CHCHD3: variants seen among roughly 807,000 people sequenced by gnomAD.
CHCHD3 encodes the protein MICOS complex subunit MIC19.
CHCHD3 carries 20 observed loss-of-function variants against 38.2 expected under a neutral mutation model. The ratio of observed to expected loss-of-function variants is 0.52; its 90% confidence interval spans 0.37 to 0.76. The LOEUF is 0.76. CHCHD3 is among the 30% of genes least tolerant of loss of function. The pLI is 0.00. For synonymous variants in CHCHD3, 82 were observed against 100.0 expected (o/e 0.82, Z 1.07); for missense variants, 245 against 279.2 (o/e 0.88, Z 0.87).
chr7:132,938,129 T>G (rs1287349693), intron 4 of CHCHD3, among the ~76,000 whole-genome samples: 1 of 152,214 alleles, frequency 6.6e-6, no homozygotes, highest in Non-Finnish European at 1.5e-5. Flanking sequence ...ATTGTTCTAA[T>G]TATTAAATAT....
chr7:132,978,937 A>C (rs564663962), intron 3 of CHCHD3, among the ~76,000 whole-genome samples: 1 of 146,772 alleles, frequency 6.8e-6, no homozygotes, highest in Non-Finnish European at 1.5e-5. Flanking sequence ...TATAAATTTT[A>C]AAAAAACTTT....
intron 4 of CHCHD3, chr7:132,972,944 A>G: frequency 5.1e-6 from 5 of 985,486 alleles, no homozygotes; most frequent in Non-Finnish European, 6.0e-6. Flanking sequence ...TTATTAGGTA[A>G]AACAGAACAG....
intron 4 of CHCHD3, among the ~76,000 whole-genome samples, chr7:132,926,934 G>T (rs137882860): frequency 1.3e-5 from 2 of 151,948 alleles, no homozygotes; most frequent in Non-Finnish European, 2.9e-5. Context: ...AGGTATTTTC[G>T]TTTTAACAAA....
At chr7:132,966,768 T>C (rs1410829992) in intron 4 of CHCHD3, among the ~76,000 whole-genome samples, 1 of 152,186 alleles carries the variant, frequency 6.6e-6, no homozygotes, top group Non-Finnish European at 1.5e-5. Flanking sequence ...CAAAACATAA[T>C]GTGCAAAACA....
intron 5 of CHCHD3, among the ~76,000 whole-genome samples, chr7:132,880,880 C>T (rs957840807): frequency 2.2e-4 from 34 of 152,134 alleles, no homozygotes; most frequent in African/African-American, 7.7e-4. Context: ...ACTTAAGAAC[C>T]TTCTCTTTGA....
At chr7:132,953,114 T>C (rs909508750) in intron 4 of CHCHD3, among the ~76,000 whole-genome samples, 9 of 151,906 alleles carry the variant, frequency 5.9e-5, no homozygotes, top group African/African-American at 2.2e-4. Flanking sequence ...CAAGGAAAAT[T>C]CCTCAGTGAT....
chr7:132,815,551 TCTC>T (rs1401832189), intron 6 of CHCHD3: 1 of 456,142 alleles, frequency 2.2e-6, no homozygotes, highest in Non-Finnish European at 4.4e-6. Context: ...AGTAACGAGT[TCTC>T]CTACTAGGAG....
chr7:133,068,795 G>A (rs573213121), intron 2 of CHCHD3, among the ~76,000 whole-genome samples: 16 of 152,288 alleles, frequency 1.1e-4, no homozygotes, highest in African/African-American at 3.9e-4. Context: ...ATCCCCAATT[G>A]GGGACCTGAC....
At position 132,950,002 on chromosome 7, in the gene CHCHD3, T is replaced by C. The variant is rs868295168; in HGVS notation, c.369+25167A>G. 4.6e-5 allele frequency among the ~76,000 whole-genome samples: 7 copies of C among 152,216 alleles called. No individual in the cohort carries two copies. The Middle Eastern group carries it at 0.014, about 296-fold the overall frequency. ...GTTGTGTTTAGGAATATGGGATACT[T>C]TGTGTTCTGCCCTCTTCATAATTCT... On this transcript the variant is annotated intron_variant, in intron 4 of 7. Transcript: ENST00000262570.
At chr7:132,984,046 C>T (rs1468447826) in intron 3 of CHCHD3, among the ~76,000 whole-genome samples, 2 of 151,048 alleles carry the variant, frequency 1.3e-5, no homozygotes, top group Admixed American at 1.3e-4. Context: ...GTCTCCCTCT[C>T]CCCATGGTCT....
chr7:133,034,913 G>T, intron 2 of CHCHD3: 2 of 1,607,910 alleles, frequency 1.2e-6, no homozygotes. Context: ...TGCAGCTCAT[G>T]AAGGTCTGAG....
rs555398061 is a variant in CHCHD3, at chr7:133,033,772, G to A, written c.170-9145C>T. 9.6e-4 allele frequency among the ~76,000 whole-genome samples: 146 copies of A among 152,078 alleles called. 3 individuals are homozygous for A. The South Asian group carries it at 0.029, about 30-fold the overall frequency. ...TACTCACCAAAACCACATTTTGCCC[G>A]GTCCACTTATAAAGATCATCTTAAT... is the stretch of plus-strand genomic sequence containing the variant. On this transcript the variant is annotated intron_variant, in intron 2 of 7. Coordinates refer to ENST00000262570, the MANE Select transcript of CHCHD3 (RefSeq NM_017812.4).
chr7:132,946,336 T>C (rs1232970769), intron 4 of CHCHD3, among the ~76,000 whole-genome samples: 1 of 151,872 alleles, frequency 6.6e-6, no homozygotes, highest in African/African-American at 2.4e-5. Context: ...CACCAAGCAG[T>C]GCCTGGTCCA....
chr7:133,022,408 T>TACACAG (rs763806287), intron 3 of CHCHD3: 3 of 456,656 alleles, frequency 6.6e-6, no homozygotes, highest in South Asian at 4.6e-5. Flanking sequence ...ATACATACAA[T>TACACAG]AACGTATACA....
At chr7:132,937,414 T>C (rs1810656962) in intron 4 of CHCHD3, among the ~76,000 whole-genome samples, 1 of 152,198 alleles carries the variant, frequency 6.6e-6, no homozygotes, top group African/African-American at 2.4e-5. Context: ...AATTTCACAA[T>C]TCCCCTAAGT....
intron 5 of CHCHD3, among the ~76,000 whole-genome samples, chr7:132,853,578 C>A (rs1344817916): frequency 2.0e-5 from 3 of 151,994 alleles, no homozygotes; most frequent in Non-Finnish European, 4.4e-5. Context: ...GCTGAGATCG[C>A]GCCACTGCAC....
chr7:132,917,127 G>A (rs1562907206), intron 4 of CHCHD3, among the ~76,000 whole-genome samples: 1 of 152,120 alleles, frequency 6.6e-6, no homozygotes, highest in Non-Finnish European at 1.5e-5. Flanking sequence ...TAGATATAAT[G>A]GCAGAACTTT....
chr7:133,031,673 T>C (rs1217945954), intron 2 of CHCHD3, among the ~76,000 whole-genome samples: 1 of 152,200 alleles, frequency 6.6e-6, no homozygotes, highest in Non-Finnish European at 1.5e-5. Context: ...TTTGCTGATA[T>C]AGGTCATGGC....
intron 3 of CHCHD3, among the ~76,000 whole-genome samples, chr7:132,998,557 CAT>C (rs1307095741): frequency 2.0e-5 from 3 of 152,258 alleles, no homozygotes; most frequent in South Asian, 2.1e-4. Flanking sequence ...TAGAAGCTCA[CAT>C]GTTTTGCCAA....
Sources: allele counts gnomAD v4.1 joint callset (sites outside exome capture counted in the v4.1 genomes callset), GRCh38; gene constraint gnomAD v4.1.1; transcripts MANE v1.5; gene names NCBI Gene and HGNC (gene_info 2026-07-23, HGNC 2026-07-21).